Variants in ERLIN2 observed in about 807,000 individuals in gnomAD.
ERLIN2 encodes ER lipid raft associated 2.
ERLIN2 carries 22 observed loss-of-function variants against 41.5 expected under a neutral mutation model. The observed-to-expected ratio is 0.53, with a 90% CI of 0.38 to 0.76. ERLIN2 has a LOEUF of 0.76. Ranked by LOEUF, ERLIN2 falls within the 30% of genes least tolerant of loss-of-function variation. The probability of loss-of-function intolerance (pLI) is 0.00; values close to 1 mark genes in which losing one functional copy is unlikely to be tolerated. For missense variants in ERLIN2, 247 were observed against 414.3 expected (o/e 0.60, Z 3.51); for synonymous variants, 149 against 150.9 (o/e 0.99, Z 0.09).
intron 6 of ERLIN2, 135 bp downstream of exon 6, chr8:37,744,831 C>A: frequency 1.0e-6 from 1 of 967,658 alleles, no homozygotes; most frequent in Non-Finnish European, 1.6e-6. Context: ...GAATCTTGTG[C>A]TCAGGAGCTG....
chr8:37,758,112 A>C lies in ERLIN2; in HGVS notation c.*3997A>C, dbSNP rs1378649120. ...ACTCATACCAAAGTATTTGTTGCTT[A>C]TGTGTAATTCATATTTAACTGGGTA... On this transcript the variant is annotated 3_prime_UTR_variant, in exon 12 of 12. Coordinates refer to ENST00000519638, the MANE Select transcript of ERLIN2 (RefSeq NM_007175.8). The C allele has an allele frequency of 2.0e-5, 3 of 152,238 alleles. No homozygotes were observed. The highest frequency in any genetic ancestry group is 4.4e-5 in the Non-Finnish European group (3 of 68,028). The allele number at this position is 152,238 out of a possible 1,614,324, so 9.4% of individuals were successfully genotyped here.
chr8:37,754,618 TC>T lies in ERLIN2; in HGVS notation c.*505del, dbSNP rs1352290567. The T allele has an allele frequency of 5.0e-6, 1 of 200,872 alleles. No homozygotes were observed. Among genetic ancestry groups the T allele is most frequent in the Non-Finnish European group, 1.0e-5 (1 of 96,866 alleles). The allele number at this position is 200,872 out of a possible 1,614,324, so 12.4% of individuals were successfully genotyped here. Reference sequence around the variant, plus strand: ...AACAGCTGCAGAGAACATTTGACCTTCCTGGCATTCTTGTCTGCATGTGTGT... The same window carrying T: ...AACAGCTGCAGAGAACATTTGACCTTCTGGCATTCTTGTCTGCATGTGTGT... On this transcript the variant is annotated 3_prime_UTR_variant, in exon 12 of 12. Transcript: ENST00000519638.
intron 2 of ERLIN2, among the ~76,000 whole-genome samples, 192 bp downstream of exon 2, chr8:37,738,221 T>G (rs1802723735): frequency 6.6e-6 from 1 of 152,164 alleles, no homozygotes; most frequent in African/African-American, 2.4e-5. Flanking sequence ...ATATGTAAAT[T>G]TAGAACTTCA....
intron 6 of ERLIN2, chr8:37,745,741 A>C: frequency 6.5e-7 from 1 of 1,528,586 alleles, no homozygotes; most frequent in Non-Finnish European, 8.8e-7. Context: ...ATGTTTCTGC[A>C]GTAGAAAATG....
At chr8:37,751,991 C>T (rs531905426) in intron 10 of ERLIN2, among the ~76,000 whole-genome samples, 142 of 152,312 alleles carry the variant, frequency 9.3e-4, no homozygotes, top group African/African-American at 3.3e-3. Context: ...AAAAGGAAGT[C>T]CCGTAGACCC....
chr8:37,749,878 T>C (rs1276111330), intron 8 of ERLIN2, 26 bp downstream of exon 8: 1 of 1,601,668 alleles, frequency 6.2e-7, no homozygotes, highest in African/African-American at 1.3e-5. Flanking sequence ...GCCTGGGCTG[T>C]GACCACCACT....
rs76414914 is a variant in ERLIN2 at position 37,737,727 on chromosome 8, A to G, written c.-15-181A>G. 1.2e-3 allele frequency: 757 copies of G among 654,454 alleles called. 5 individuals carry two copies. The African/African-American group carries it at 0.012, about 11-fold the overall frequency. The allele number at this position is 654,454 out of a possible 1,614,324, so 40.5% of individuals were successfully genotyped here. A position where few individuals can be genotyped will look rare whatever the true frequency, so the allele number is the denominator to read the frequency against. The stretch of plus-strand genomic sequence containing the variant: ...GGGGGCTCTAATTTTACAGTTAAAG[A>G]AAGGGGAACGTTGACTGAGAACGAG... On this transcript the variant is annotated intron_variant, in intron 1 of 11. Transcript: ENST00000519638.
intron 5 of ERLIN2, 41 bp from the exon 6 acceptor site, chr8:37,744,530 T>G (rs765871378): frequency 6.2e-6 from 10 of 1,613,946 alleles, no homozygotes; most frequent in Non-Finnish European, 7.6e-6. Context: ...GCATTTTGAG[T>G]CTTGCCTTTT....
chr8:37,744,841 G>A, intron 6 of ERLIN2, 145 bp downstream of exon 6: 1 of 885,224 alleles, frequency 1.1e-6, no homozygotes, highest in Non-Finnish European at 1.8e-6. Flanking sequence ...CTCAGGAGCT[G>A]GTCACAAAGG....
intron 4 of ERLIN2, among the ~76,000 whole-genome samples, chr8:37,742,755 G>A (rs1048995217): frequency 6.6e-6 from 1 of 152,110 alleles, no homozygotes; most frequent in Non-Finnish European, 1.5e-5. Context: ...AAACCACCAT[G>A]GCACACGTTT....
At chr8:37,752,758 G>A (rs1207399424) in intron 10 of ERLIN2, among the ~76,000 whole-genome samples, 1 of 152,232 alleles carries the variant, frequency 6.6e-6, no homozygotes, top group Non-Finnish European at 1.5e-5. Context: ...TAGTCTCAGA[G>A]CTGATTAGGG....
At chr8:37,746,540 TAC>T in intron 6 of ERLIN2, 3 of 967,544 alleles carry the variant, frequency 3.1e-6, no homozygotes, top group Non-Finnish European at 3.7e-6. Flanking sequence ...AAGTAAAAGA[TAC>T]ACAACAGATC....
At chr8:37,745,418 C>A in intron 6 of ERLIN2, 1 of 754,168 alleles carries the variant, frequency 1.3e-6, no homozygotes, top group East Asian at 2.7e-5. Context: ...GGCAACCTGA[C>A]TTAGCAGCAA....
At chr8:37,742,389 A>T (rs1802881052) in intron 4 of ERLIN2, among the ~76,000 whole-genome samples, 1 of 152,048 alleles carries the variant, frequency 6.6e-6, no homozygotes, top group Admixed American at 6.6e-5. Flanking sequence ...AATAACAAAG[A>T]CATGGAATCA....
At chr8:37,737,283 TG>T (rs1036096006) in intron 1 of ERLIN2, 1 of 158,726 alleles carries the variant, frequency 6.3e-6, no homozygotes, top group South Asian at 1.7e-4. Flanking sequence ...CCAAAGTATA[TG>T]GGGGGGAGTG....
At chr8:37,747,918 C>A (rs955311451) in intron 6 of ERLIN2, 2 of 1,614,194 alleles carry the variant, frequency 1.2e-6, no homozygotes, top group Non-Finnish European at 1.7e-6. Flanking sequence ...AACAGTAGTA[C>A]ACATGGAGGG....
rs1803300532 is a variant in ERLIN2 at position 37,754,140 on chromosome 8, G to A, written c.*25G>A. On this transcript the variant is annotated 3_prime_UTR_variant, in exon 12 of 12. Transcript: ENST00000519638. The stretch of plus-strand genomic sequence containing the variant: ...AAAAAAACTTGATATGACTGCAAAT[G>A]ATACTTAAGCAGATCTTTATTTTTT... 1 of 1,500,664 alleles carries A rather than the reference G, an allele frequency of 6.7e-7. No homozygotes were observed. The highest frequency in any genetic ancestry group is 9.3e-7 in the Non-Finnish European group (1 of 1,077,892). 93.0% of individuals were successfully genotyped at this position (1,500,664 alleles called of 1,614,324 possible).
chr8:37,738,567 T>A (rs559967461), intron 2 of ERLIN2, among the ~76,000 whole-genome samples: 1 of 152,244 alleles, frequency 6.6e-6, no homozygotes, highest in South Asian at 2.1e-4. Context: ...TGAGACCCTA[T>A]CTCTAAAAAA....
chr8:37,758,050 T>A lies in ERLIN2; in HGVS notation c.*3935T>A, dbSNP rs1360382696. 2.6e-5 allele frequency: 4 copies of A among 152,236 alleles called. No individual in the cohort carries two copies. The highest frequency in any genetic ancestry group is 9.6e-5 in the African/African-American group (4 of 41,468). The allele number at this position is 152,236 out of a possible 1,614,324, so 9.4% of individuals were successfully genotyped here. A position where few individuals can be genotyped will look rare whatever the true frequency, so the allele number is the denominator to read the frequency against. On this transcript the variant is annotated 3_prime_UTR_variant, in exon 12 of 12. Transcript: ENST00000519638. ...AATTTCAACAATGTACAATTTTTAG[T>A]CTAAGTACTATGTGTCCTAAACACT...
Sources: gnomAD v4.1 joint callset for allele counts (sites outside exome capture counted in the v4.1 genomes callset) on GRCh38, gnomAD v4.1.1 for gene constraint, MANE v1.5 for transcripts, NCBI Gene and HGNC (gene_info 2026-07-23, HGNC 2026-07-21) for gene names.